POLG: variants seen among roughly 807,000 people sequenced by gnomAD.
POLG encodes the protein DNA polymerase subunit gamma-1.
Under a neutral mutation model 155.4 loss-of-function variants are expected in POLG, and 110 were observed. That is an observed-to-expected ratio of 0.71 (90% CI 0.61 to 0.83). POLG has a LOEUF of 0.83. Ranked by LOEUF, POLG falls within the 40% of genes least tolerant of loss-of-function variation. The pLI, the probability that POLG is intolerant of heterozygous loss-of-function variation, is 0.00. For missense variants in POLG, 1,685 were observed against 1,627.5 expected, an observed-to-expected ratio of 1.04 and a Z score of -0.61; for synonymous variants, 701 against 631.5, an observed-to-expected ratio of 1.11 and a Z score of -1.65.
In POLG at chr15:89,323,053, G is replaced by A. The variant is rs200840049; in HGVS notation, c.2266-151C>T. ...GATTGTATCACGCACGCGCGCACGC[G>A]CGCACGCACACACACACGTGCACAC... On this transcript the variant is annotated intron_variant, in intron 13 of 22. Transcript: ENST00000268124. The A allele has an allele frequency of 2.2e-3, 1,604 of 725,064 alleles. 24 individuals are homozygous for A. In the African/African-American group the frequency reaches 0.029, roughly 13 times the overall value. 44.9% of individuals were successfully genotyped at this position (725,064 alleles called of 1,614,324 possible).
In POLG at chr15:89,323,502, C is replaced by T. The variant is rs762070650; in HGVS notation, c.2167G>A (p.Gly723Ser). ...PGQPLALTARGGPKDTQPSYH... is the reference protein window; with the variant it reads ...PGQPLALTARSGPKDTQPSYH... Reference sequence around the variant, plus strand: ...CTGGGCTGGGTGTCCTTGGGGCCACCACGGGCAGTCTGTGAGGGCCACACA... The same window carrying T: ...CTGGGCTGGGTGTCCTTGGGGCCACTACGGGCAGTCTGTGAGGGCCACACA... The change falls in exon 13 of 23, where the codon GGT becomes AGT. Residue 723 changes from glycine (G) to serine (S), a missense_variant. This residue lies in a region of POLG where 1,210 missense variants were observed against 1,167.1 expected (regional missense o/e 1.04). Coordinates refer to ENST00000268124, the MANE Select transcript of POLG (RefSeq NM_002693.3). 3.2e-5 allele frequency: 52 copies of T among 1,610,578 alleles called. No individual in the cohort carries two copies. The highest frequency in any genetic ancestry group is 4.3e-5 in the Non-Finnish European group (51 of 1,176,794).
chr15:89,317,746 T>C (rs1157020627), intron 21 of POLG: 2 of 591,798 alleles, frequency 3.4e-6, no homozygotes, highest in South Asian at 2.0e-5. Context: ...AATGCAATTA[T>C]GGACTCAACA....
intron 16 of POLG, 114 bp from the exon 17 acceptor site, chr15:89,321,374 G>T: frequency 8.2e-7 from 1 of 1,213,620 alleles, no homozygotes; most frequent in Non-Finnish European, 1.2e-6. Context: ...GAGAATGCCA[G>T]ACAGCACTGC....
chr15:89,333,085 C>T lies in POLG; in HGVS notation c.659+11G>A. Reference sequence around the variant, plus strand: ...ATGCCTGCTTATGTCCCCAACCCTGCCCCTACTTACCAGGCCGAGGGGGAT... The same window carrying T: ...ATGCCTGCTTATGTCCCCAACCCTGTCCCTACTTACCAGGCCGAGGGGGAT... On this transcript the variant is annotated intron_variant, in intron 2 of 22. Transcript: ENST00000268124. The T allele has an allele frequency of 6.6e-7, 1 of 1,510,744 alleles. No individual in the cohort carries two copies. Among genetic ancestry groups the T allele is most frequent in the Non-Finnish European group, 8.9e-7 (1 of 1,129,874 alleles). 93.6% of individuals were successfully genotyped at this position (1,510,744 alleles called of 1,614,324 possible).
In POLG at chr15:89,321,828, G is replaced by A. The variant is rs746028610; in HGVS notation, c.2506C>T (p.Leu836Phe). The A allele has an allele frequency of 5.6e-6, 9 of 1,614,000 alleles. No homozygotes were observed. The highest frequency in any genetic ancestry group is 6.8e-6 in the Non-Finnish European group (8 of 1,179,990). Residue 836 changes from leucine (L) to phenylalanine (F), a missense_variant, in exon 16 of 23, where the codon CTC becomes TTC. By Grantham distance (22) the Leu-to-Phe change is conservative. Transcript: ENST00000268124. ...IRHPDYDEEG[L>F]YGAILPQVVT... is the part of the protein sequence containing the mutation. ...ACTTGGGGCAGGATGGCCCCATAGA[G>A]GCCTTCCTCATCATAGTCGGGGTGC... is the stretch of plus-strand genomic sequence containing the variant.
intron 10 of POLG, among the ~76,000 whole-genome samples, chr15:89,325,145 AGT>A (rs1337150042): frequency 1.9e-4 from 9 of 47,370 alleles, no homozygotes; most frequent in Admixed American, 8.9e-4. Flanking sequence ...TGAGTGAGAG[AGT>A]GAGTGAGTGA....
chr15:89,319,399 AC>A (rs1567185917), intron 18 of POLG, 49 bp from the exon 19 acceptor site: 1 of 1,609,250 alleles, frequency 6.2e-7, no homozygotes, highest in Admixed American at 1.7e-5. Flanking sequence ...TTCCTGTGCC[AC>A]GCTAGTGCCT....
rs1373908087 is a variant in POLG, at chr15:89,334,813, C to T, written c.-300G>A. On this transcript the variant is annotated 5_prime_UTR_variant, in exon 1 of 23. Transcript: ENST00000268124. ...CGGTCCGCTTCGCTGGCAGCCGCAA[C>T]TTCCCGTCTGCACCCAGCTAGGTCC... is the stretch of plus-strand genomic sequence containing the variant. The T allele has an allele frequency of 6.6e-6, 1 of 152,334 alleles. No homozygotes were observed. Among genetic ancestry groups the T allele is most frequent in the Non-Finnish European group, 1.5e-5 (1 of 68,110 alleles). The allele number at this position is 152,334 out of a possible 1,614,324, so 9.4% of individuals were successfully genotyped here. A position where few individuals can be genotyped will look rare whatever the true frequency, so the allele number is the denominator to read the frequency against.
At position 89,325,612 on chromosome 15, in the gene POLG, A is replaced by G. The variant is rs1085307495; in HGVS notation, c.1787T>C (p.Met596Thr). ...TGCCATGAGTTTAGGTGTGACCCGCATCTGCAGGCTGAGGAGGCTGGGGCC... is the reference window on the plus strand; with the variant it reads ...TGCCATGAGTTTAGGTGTGACCCGCGTCTGCAGGCTGAGGAGGCTGGGGCC... ...TPGPSLLSLQ[M>T]RVTPKLMALT... The change falls in exon 10 of 23, where the codon ATG becomes ACG. Residue 596 changes from methionine (M) to threonine (T), a missense_variant. By Grantham distance (81) the Met-to-Thr change is moderately conservative. Around this residue, in one of 3 missense-constraint regions of POLG, gnomAD observed 1,210 missense variants for 1,167.1 expected, o/e 1.04. Transcript: ENST00000268124. The G allele has an allele frequency of 2.5e-6, 4 of 1,613,716 alleles. No individual in the cohort carries two copies. Among genetic ancestry groups the G allele is most frequent in the Non-Finnish European group, 3.4e-6 (4 of 1,180,026 alleles).
intron 9 of POLG, among the ~76,000 whole-genome samples, chr15:89,325,960 C>T (rs747891558): frequency 1.7e-4 from 26 of 152,194 alleles, no homozygotes; most frequent in Non-Finnish European, 2.1e-4. Flanking sequence ...CAGGGCAGGG[C>T]TCCTTCCCAA....
chr15:89,326,462 A>T, intron 9 of POLG, 150 bp downstream of exon 9: 1 of 880,190 alleles, frequency 1.1e-6, no homozygotes, highest in Non-Finnish European at 1.8e-6. Flanking sequence ...GCAAATGAGA[A>T]TAGGACTGGA....
chr15:89,325,069 T>TGAGTGAGA (rs2055460757), intron 10 of POLG, among the ~76,000 whole-genome samples: 6 of 86,732 alleles, frequency 6.9e-5, no homozygotes, highest in African/African-American at 4.0e-4. Context: ...AGTGAGTGAG[T>TGAGTGAGA]GAGTGAGTGA....
At chr15:89,322,322 C>T (rs146126247) in intron 14 of POLG, among the ~76,000 whole-genome samples, 228 of 152,346 alleles carry the variant, frequency 1.5e-3, no homozygotes, top group African/African-American at 5.1e-3. Flanking sequence ...TTCACCATCC[C>T]AACACCCACT....
At position 89,333,615 on chromosome 15, in the gene POLG, T is replaced by TGTTGCTGCTGCTGCTGCC; in HGVS notation, c.139_140insGGCAGCAGCAGCAGCAAC (p.Gln46_Gln47insArgGlnGlnGlnGlnGln). 1 of 1,600,888 alleles carries TGTTGCTGCTGCTGCTGCC rather than the reference T, an allele frequency of 6.2e-7. No individual in the cohort carries two copies. ...CTGCTGTTGCTGCTGCTGCTGCTGC[T>TGTTGCTGCTGCTGCTGCC]GCTGCTGCTGCTGCCGCCGCCGCTG... On this transcript the variant is annotated inframe_insertion, in exon 2 of 23. Coordinates refer to ENST00000268124, the MANE Select transcript of POLG (RefSeq NM_002693.3).
rs1364784376 is a variant in POLG, at chr15:89,333,883, G to A, written c.-129C>T. 7.1e-6 allele frequency: 8 copies of A among 1,126,532 alleles called. No homozygotes were observed. Among genetic ancestry groups the A allele is most frequent in the South Asian group, 1.4e-5 (1 of 72,764 alleles). 69.8% of individuals were successfully genotyped at this position (1,126,532 alleles called of 1,614,324 possible). On this transcript the variant is annotated 5_prime_UTR_variant, in exon 2 of 23. Transcript: ENST00000268124. ...CTCTGCTCTCCTGTCAGTGAAATGG[G>A]TTTGACCATGCCTGCCTTCCACCCC...
Position 89,327,336 on chromosome 15 carries a change from C to G in POLG, c.1264G>C (p.Val422Leu). 3.1e-6 allele frequency: 5 copies of G among 1,613,648 alleles called. No homozygotes were observed. In the South Asian group the frequency reaches 4.4e-5, roughly 14 times the overall value. Residue 422 changes from valine to leucine, a missense_variant, in exon 7 of 23, where the codon GTG becomes CTG. By Grantham distance (32) the Val-to-Leu change is conservative (BLOSUM62 1). Around this residue, in one of 3 missense-constraint regions of POLG, gnomAD observed 1,210 missense variants for 1,167.1 expected, o/e 1.04. Coordinates refer to ENST00000268124, the MANE Select transcript of POLG (RefSeq NM_002693.3). ...ATCTCCAGCATGCCGGCCAGAGTCA[C>G]TGGGTGGGGACACCTTGGAGGCAAA... ...PLFLERCPHP[V>L]TLAGMLEMGV...
At chr15:89,325,424 C>T in intron 10 of POLG, 26 bp downstream of exon 10, 10 of 1,526,982 alleles carry the variant, frequency 6.5e-6, no homozygotes, top group South Asian at 2.2e-5. Flanking sequence ...GCTCCAGCCC[C>T]TTCCTCCCCT....
intron 6 of POLG, among the ~76,000 whole-genome samples, chr15:89,328,230 G>C (rs1385193942): frequency 6.6e-6 from 1 of 152,166 alleles, no homozygotes; most frequent in Admixed American, 6.5e-5. Flanking sequence ...CCAGGACCGT[G>C]CACATGACAC....
Position 89,330,225 on chromosome 15 carries a change from G to C in POLG, c.711C>G (p.Ser237Arg), listed in dbSNP as rs1024080032. The C allele has an allele frequency of 6.2e-7, 1 of 1,613,262 alleles. No individual in the cohort carries two copies. Among genetic ancestry groups the C allele is most frequent in the Non-Finnish European group, 8.5e-7 (1 of 1,179,994 alleles). The change falls in exon 3 of 23, where the codon AGC (serine) becomes AGG (arginine). Residue 237 changes from serine to arginine, a missense_variant. Physicochemically the swap from Ser to Arg is moderately radical, Grantham distance 110. Around this residue, in one of 3 missense-constraint regions of POLG, gnomAD observed 1,210 missense variants for 1,167.1 expected, o/e 1.04. Coordinates refer to ENST00000268124, the MANE Select transcript of POLG (RefSeq NM_002693.3). ...RLVEERYSWT[S>R]QLSPADLIPL... ...GGATGAGGTCAGCCGGCGACAGCTG[G>C]CTGGTCCAAGAGTAACGCTCTTCCA... is the stretch of plus-strand genomic sequence containing the variant.
Sources: gnomAD v4.1 joint callset for allele counts (sites outside exome capture counted in the v4.1 genomes callset) on GRCh38, gnomAD v4.1.1 for gene constraint, gnomAD v4.1.1 regional missense constraint, MANE v1.5 for transcripts, NCBI Gene and HGNC (gene_info 2026-07-23, HGNC 2026-07-21) for gene names.